The following TDRD12 variants were observed in gnomAD, a reference collection of about 807,000 sequenced individuals.
TDRD12 encodes tudor domain containing 12.
In TDRD12, 158 loss-of-function variants were observed where a neutral mutation model predicts 133.5. That is an observed-to-expected ratio of 1.18 (90% CI 1.04 to 1.35). The LOEUF is 1.35. TDRD12 is among the 40% of genes most tolerant of loss of function. The pLI is 0.00. For missense variants in TDRD12, 1,443 were observed against 1,321.3 expected, an observed-to-expected ratio of 1.09 and a Z score of -1.43; for synonymous variants, 460 against 477.9, an observed-to-expected ratio of 0.96 and a Z score of 0.49.
intron 8 of TDRD12, among the ~76,000 whole-genome samples, chr19:32,772,299 A>G: frequency 6.6e-6 from 1 of 152,162 alleles, no homozygotes; most frequent in African/African-American, 2.4e-5. Flanking sequence ...ACAGATCCTG[A>G]GTATGTGGCC....
At chr19:32,810,038 A>G in intron 22 of TDRD12, 55 bp from the exon 23 acceptor site, 1 of 1,159,346 alleles carries the variant, frequency 8.6e-7, no homozygotes, top group Non-Finnish European at 1.2e-6. Context: ...GAATGTGTAC[A>G]TATCCGGTTT....
intron 5 of TDRD12, among the ~76,000 whole-genome samples, chr19:32,749,250 C>T (rs867997586): frequency 2.6e-5 from 4 of 152,084 alleles, no homozygotes; most frequent in Admixed American, 1.3e-4. Flanking sequence ...GATGAGAATG[C>T]GGGTCTGGAG....
At chr19:32,806,709 G>A (rs373601233) in intron 21 of TDRD12, among the ~76,000 whole-genome samples, 2 of 152,066 alleles carry the variant, frequency 1.3e-5, no homozygotes, top group African/African-American at 4.8e-5. Context: ...CCAGGCTGGG[G>A]TGCAGTGGCA....
At chr19:32,808,870 A>T (rs1966903532) in intron 22 of TDRD12, among the ~76,000 whole-genome samples, 1 of 152,100 alleles carries the variant, frequency 6.6e-6, no homozygotes, top group African/African-American at 2.4e-5. Context: ...CTGTTTGTGG[A>T]TGTATCTTTC....
chr19:32,754,663 CTCTA>C (rs1212247417), intron 6 of TDRD12, among the ~76,000 whole-genome samples: 7 of 146,204 alleles, frequency 4.8e-5, no homozygotes, highest in Admixed American at 1.4e-4. Context: ...TTGATAATGA[CTCTA>C]TCTTTTTTTT....
At chr19:32,828,198 C>T (rs950287149) in exon 10 of TDRD12, 1 of 152,234 alleles carries the variant, frequency 6.6e-6, no homozygotes, top group African/African-American at 2.4e-5. Flanking sequence ...AGACCCAGGC[C>T]TTTCCGGGGT....
chr19:32,741,374 G>A (rs996172330), intron 3 of TDRD12, among the ~76,000 whole-genome samples: 1 of 152,102 alleles, frequency 6.6e-6, no homozygotes, highest in Non-Finnish European at 1.5e-5. Flanking sequence ...GAGCCACTGC[G>A]CCAGCCAAGA....
chr19:32,776,143 A>G (rs1462362384), intron 10 of TDRD12, among the ~76,000 whole-genome samples: 1 of 152,088 alleles, frequency 6.6e-6, no homozygotes, highest in Admixed American at 6.6e-5. Context: ...AATTTCCCTC[A>G]CAGTTACCAA....
At chr19:32,796,981 CTTTTT>C (rs1157185010) in intron 14 of TDRD12, among the ~76,000 whole-genome samples, 18 of 135,310 alleles carry the variant, frequency 1.3e-4, no homozygotes, top group Non-Finnish European at 1.3e-4. Flanking sequence ...AGAGGTTCGT[CTTTTT>C]TTTTTTTTTT....
intron 8 of TDRD12, among the ~76,000 whole-genome samples, chr19:32,760,856 C>T (rs994956598): frequency 2.0e-5 from 3 of 152,154 alleles, no homozygotes; most frequent in Admixed American, 1.3e-4. Flanking sequence ...CACAAACTTA[C>T]AGAAAAGTTG....
At chr19:32,766,458 A>G (rs1970299025) in intron 8 of TDRD12, among the ~76,000 whole-genome samples, 1 of 152,156 alleles carries the variant, frequency 6.6e-6, no homozygotes, top group Non-Finnish European at 1.5e-5. Flanking sequence ...TTTCTGATAT[A>G]ATGTAATGTA....
chr19:32,721,228 G>A (rs983843114), intron 1 of TDRD12, among the ~76,000 whole-genome samples: 2 of 152,202 alleles, frequency 1.3e-5, no homozygotes, highest in Non-Finnish European at 2.9e-5. Flanking sequence ...TTGGTGAAGG[G>A]GAAAGCGTTG....
At position 32,810,816 on chromosome 19, in the gene TDRD12, C is replaced by T. The variant is rs892149850; in HGVS notation, c.2838-394C>T. Among the ~76,000 whole-genome samples the T allele has an allele frequency of 1.6e-4, 25 of 152,064 alleles. 1 individual carries two copies. The highest frequency in any genetic ancestry group is 4.4e-5 in the Non-Finnish European group (3 of 68,012). Reference sequence around the variant, plus strand: ...CTGAGGTGAATGGATTGCTTGAGCCCAGGAGGTCGAGGCTGCATTGAGCTA... The same window carrying T: ...CTGAGGTGAATGGATTGCTTGAGCCTAGGAGGTCGAGGCTGCATTGAGCTA... On this transcript the variant is annotated intron_variant, in intron 23 of 27. Coordinates refer to ENST00000444215, the Ensembl canonical transcript of TDRD12.
At chr19:32,730,840 A>G (rs2145432218) in intron 1 of TDRD12, among the ~76,000 whole-genome samples, 1 of 152,246 alleles carries the variant, frequency 6.6e-6, no homozygotes, top group Non-Finnish European at 1.5e-5. Flanking sequence ...ACATGATGAA[A>G]TCCTGTCTCT....
intron 4 of TDRD12, 141 bp downstream of exon 4, chr19:32,743,041 TTGTC>T: frequency 9.5e-7 from 1 of 1,058,070 alleles, no homozygotes; most frequent in Non-Finnish European, 1.3e-6. Flanking sequence ...GAGTCAGTGT[TTGTC>T]TGACCTGGCT....
exon 3 of TDRD12, chr19:32,738,959 A>G: frequency 6.4e-7 from 1 of 1,550,900 alleles, no homozygotes. Context: ...TTCCTTGTGG[A>G]CTTTGCCAAG....
At chr19:32,810,322 G>T in intron 23 of TDRD12, 45 bp downstream of exon 23, 1 of 1,425,990 alleles carries the variant, frequency 7.0e-7, no homozygotes, top group Non-Finnish European at 9.2e-7. Context: ...GAAGCATGAG[G>T]TAACTAAGTG....
Position 32,803,145 on chromosome 19 carries a change from G to T in TDRD12, c.2552+3G>T. On this transcript the variant is annotated splice_donor_region_variant and intron_variant, in intron 21 of 27. Coordinates refer to ENST00000444215, the Ensembl canonical transcript of TDRD12. ...CTGAAGGCTTTTGGTTTTTGCAAGT[G>T]AGCCAGTAATTTGTTTCTTATTAAA... 6.6e-7 allele frequency: 1 copy of T among 1,509,908 alleles called. No homozygotes were observed. The highest frequency in any genetic ancestry group is 1.3e-5 in the South Asian group (1 of 79,360). The allele number at this position is 1,509,908 out of a possible 1,614,324, so 93.5% of individuals were successfully genotyped here.
At chr19:32,741,750 G>A (rs938653417) in intron 3 of TDRD12, among the ~76,000 whole-genome samples, 1 of 152,100 alleles carries the variant, frequency 6.6e-6, no homozygotes, top group Non-Finnish European at 1.5e-5. Context: ...GAAATAGTAC[G>A]TGGAAGTGGT....
Sources: allele counts gnomAD v4.1 joint callset (sites outside exome capture counted in the v4.1 genomes callset), GRCh38; gene constraint gnomAD v4.1.1; transcripts MANE v1.5; gene names NCBI Gene and HGNC (gene_info 2026-07-23, HGNC 2026-07-21).